The following GLIS3 variants were observed in gnomAD, a reference collection of about 807,000 sequenced individuals.
GLIS3 encodes zinc finger protein GLIS3.
A neutral mutation model predicts 78.6 loss-of-function variants in GLIS3; 53 were observed. The ratio of observed to expected loss-of-function variants is 0.67; its 90% confidence interval spans 0.54 to 0.85. The LOEUF is 0.85. GLIS3 is among the 40% of genes least tolerant of loss of function. The probability of loss-of-function intolerance (pLI) is 0.00; values close to 1 mark genes in which losing one functional copy is unlikely to be tolerated. For synonymous variants in GLIS3, 684 were observed against 509.9 expected, an observed-to-expected ratio of 1.34 and a Z score of -4.60; for missense variants, 1,703 against 1,231.1, an observed-to-expected ratio of 1.38 and a Z score of -5.74.
chr9:4,277,684 TAA>T (rs1827153419), intron 2 of GLIS3, among the ~76,000 whole-genome samples: 1 of 152,130 alleles, frequency 6.6e-6, no homozygotes, highest in Non-Finnish European at 1.5e-5. Flanking sequence ...TGAAGTAAAA[TAA>T]AAACTCTTAT....
chr9:4,266,791 T>C (rs555624574), intron 2 of GLIS3, among the ~76,000 whole-genome samples: 6 of 152,362 alleles, frequency 3.9e-5, no homozygotes, highest in African/African-American at 1.4e-4. Flanking sequence ...ACTATGCATC[T>C]GCATTCAACT....
chr9:4,198,304 G>C (rs1024215845), intron 2 of GLIS3, among the ~76,000 whole-genome samples: 3 of 152,146 alleles, frequency 2.0e-5, no homozygotes, highest in African/African-American at 7.2e-5. Context: ...ATCTTAAAAA[G>C]AAATTAATCA....
intron 4 of GLIS3, among the ~76,000 whole-genome samples, chr9:4,079,887 TA>T (rs1269211512): frequency 2.0e-5 from 3 of 151,310 alleles, no homozygotes; most frequent in East Asian, 1.9e-4. Flanking sequence ...TCTCAAAATT[TA>T]AAAAAAAGGG....
At chr9:4,291,588 G>A (rs1000332524) in intron 1 of GLIS3, among the ~76,000 whole-genome samples, 1 of 151,966 alleles carries the variant, frequency 6.6e-6, no homozygotes, top group African/African-American at 2.4e-5. Context: ...ACAGGACACA[G>A]AAGAAAGAAA....
chr9:4,408,779 T>C, the GLIS3 span, among the ~76,000 whole-genome samples: 71,739 of 147,464 alleles, frequency 0.49, 17,873 homozygotes, highest in Admixed American at 0.54. Context: ...TAGTATTTGA[T>C]GTCATAACAG....
intron 2 of GLIS3, among the ~76,000 whole-genome samples, chr9:4,279,065 G>A (rs919669378): frequency 6.6e-6 from 1 of 152,036 alleles, no homozygotes; most frequent in African/African-American, 2.4e-5. Context: ...ACTTTGGGAG[G>A]CTGAGGCAGG....
chr9:4,061,806 G>A (rs1357583853), intron 4 of GLIS3, among the ~76,000 whole-genome samples: 2 of 152,184 alleles, frequency 1.3e-5, no homozygotes, highest in Non-Finnish European at 2.9e-5. Context: ...CATACTCCCT[G>A]AAGAATTATG....
intron 2 of GLIS3, among the ~76,000 whole-genome samples, chr9:4,213,351 C>T (rs754873764): frequency 7.4e-4 from 112 of 152,158 alleles, no homozygotes; most frequent in Non-Finnish European, 1.4e-3. Flanking sequence ...CCTTTAAAAC[C>T]TGTACATATT....
At position 4,345,362 on chromosome 9, in the gene GLIS3, TTTTG is replaced by T. The variant is rs578231818; in HGVS notation, n.264+1715_264+1718del. ...CCTCCTCCCTATCCTATCTACTTTA[TTTTG>T]TTTATTTTCTTCATAGCATTTTCTT... is the stretch of plus-strand genomic sequence containing the variant. On this transcript the variant is annotated intron_variant and non_coding_transcript_variant, in intron 2 of 4. Coordinates refer to the GLIS3 transcript ENST00000471664. Among the ~76,000 whole-genome samples the T allele has an allele frequency of 1.2e-4, 19 of 152,348 alleles. No homozygotes were observed. In the East Asian group the frequency reaches 1.9e-3, roughly 15 times the overall value.
the GLIS3 span, among the ~76,000 whole-genome samples, chr9:4,487,014 G>C: frequency 2.6e-5 from 4 of 152,036 alleles, no homozygotes; most frequent in East Asian, 7.7e-4. Context: ...TAGACACTTT[G>C]GAAATGCAAA....
chr9:4,049,500 G>T (rs1196580290), intron 4 of GLIS3, among the ~76,000 whole-genome samples: 1 of 152,172 alleles, frequency 6.6e-6, no homozygotes, highest in Non-Finnish European at 1.5e-5. Context: ...ACAGCCCACA[G>T]ATGCCGGCAG....
At chr9:4,179,312 G>C (rs377125402) in intron 2 of GLIS3, among the ~76,000 whole-genome samples, 26 of 152,282 alleles carry the variant, frequency 1.7e-4, no homozygotes, top group African/African-American at 5.8e-4. Flanking sequence ...AGACATGCAT[G>C]CATTTTCTTT....
intron 6 of GLIS3, among the ~76,000 whole-genome samples, chr9:3,911,309 T>A (rs1824134398): frequency 6.6e-6 from 1 of 152,246 alleles, no homozygotes; most frequent in African/African-American, 2.4e-5. Flanking sequence ...TTTTTCCATA[T>A]GTTACGCTCT....
intron 4 of GLIS3, among the ~76,000 whole-genome samples, chr9:4,026,653 T>G (rs1244441650): frequency 6.6e-6 from 1 of 152,204 alleles, no homozygotes; most frequent in Non-Finnish European, 1.5e-5. Flanking sequence ...ATAAATAATA[T>G]ACTTCTAAAC....
the GLIS3 span, among the ~76,000 whole-genome samples, chr9:4,438,018 T>A: frequency 6.6e-6 from 1 of 152,180 alleles, no homozygotes; most frequent in African/African-American, 2.4e-5. Flanking sequence ...TATATGTGGA[T>A]TTTTGACTGT....
chr9:3,981,351 C>T (rs536908109), intron 4 of GLIS3, among the ~76,000 whole-genome samples: 23 of 152,264 alleles, frequency 1.5e-4, no homozygotes, highest in African/African-American at 4.8e-4. Flanking sequence ...AGAGAGAAGT[C>T]GACATTGGAT....
At chr9:3,846,971 G>T (rs770358083) in intron 9 of GLIS3, among the ~76,000 whole-genome samples, 1 of 152,116 alleles carries the variant, frequency 6.6e-6, no homozygotes, top group Non-Finnish European at 1.5e-5. Flanking sequence ...GTCACCTGAA[G>T]TCAGGAGTTC....
At chr9:4,297,120 C>CAA (rs111499278) in intron 1 of GLIS3, among the ~76,000 whole-genome samples, 2 of 131,928 alleles carry the variant, frequency 1.5e-5, no homozygotes. Flanking sequence ...ATTTTGTACC[C>CAA]AAAAAAAAAA....
chr9:4,039,277 A>T (rs1001000031), intron 4 of GLIS3, among the ~76,000 whole-genome samples: 4 of 152,164 alleles, frequency 2.6e-5, no homozygotes, highest in African/African-American at 9.7e-5. Context: ...GAGGACCAAA[A>T]TTTGAAGACT....
Sources: gnomAD v4.1 joint callset for allele counts (sites outside exome capture counted in the v4.1 genomes callset) on GRCh38, gnomAD v4.1.1 for gene constraint, MANE v1.5 for transcripts, NCBI Gene and HGNC (gene_info 2026-07-23, HGNC 2026-07-21) for gene names.